TBC1D12: variants seen among roughly 807,000 people sequenced by gnomAD.
The protein encoded by TBC1D12 is TBC1 domain family member 12, also known as TBC1 domain family, member 12.
In TBC1D12, 56 loss-of-function variants were observed where a neutral mutation model predicts 86.7. The ratio of observed to expected loss-of-function variants is 0.65; its 90% CI spans 0.52 to 0.81. The LOEUF is 0.81. Among genes scored for constraint, TBC1D12 ranks in the 30% least tolerant of loss-of-function variants. TBC1D12 has a pLI of 0.00. For synonymous variants in TBC1D12, 421 were observed against 411.7 expected, an observed-to-expected ratio of 1.02 and a Z score of -0.27; for missense variants, 1,023 against 1,038.8, an observed-to-expected ratio of 0.98 and a Z score of 0.21.
chr10:94,402,912 C>G lies in TBC1D12; in HGVS notation c.299C>G (p.Pro100Arg), dbSNP rs1244111070. The change falls in exon 1 of 13, where the codon CCC becomes CGC. Residue 100 changes from proline (P) to arginine (R), a missense_variant. Physicochemically the swap from Pro to Arg is moderately radical, Grantham distance 103. Around this residue, in one of 2 missense-constraint regions of TBC1D12, gnomAD observed 628 missense variants for 531.1 expected, o/e 1.18. Transcript: ENST00000225235. ...LPAGQAGAPP[P>R]SAAPRSDACL... ...GCTGGCCAGGCCGGCGCCCCGCCGCCCTCGGCAGCCCCACGATCGGACGCC... is the reference window on the plus strand; with the variant it reads ...GCTGGCCAGGCCGGCGCCCCGCCGCGCTCGGCAGCCCCACGATCGGACGCC... 6.6e-7 allele frequency: 1 copy of G among 1,504,440 alleles called. No individual in the cohort carries two copies. Among genetic ancestry groups the G allele is most frequent in the South Asian group, 1.3e-5 (1 of 77,822 alleles). The allele number at this position is 1,504,440 out of a possible 1,614,324, so 93.2% of individuals were successfully genotyped here. A position where few individuals can be genotyped will look rare whatever the true frequency, so the allele number is the denominator to read the frequency against.
At chr10:94,531,745 TTA>T (rs1415798847) in intron 12 of TBC1D12, among the ~76,000 whole-genome samples, 1 of 139,942 alleles carries the variant, frequency 7.1e-6, no homozygotes, top group Non-Finnish European at 1.6e-5. Flanking sequence ...TTATGTTATT[TTA>T]TGTTATTTTA....
intron 1 of TBC1D12, among the ~76,000 whole-genome samples, chr10:94,418,604 C>T (rs2055031591): frequency 6.6e-6 from 1 of 151,810 alleles, no homozygotes; most frequent in African/African-American, 2.4e-5. Flanking sequence ...GACAGTCTCA[C>T]TCTGTCACCC....
rs766796868 is a variant in TBC1D12 at position 94,403,448 on chromosome 10, G to A, written c.835G>A (p.Val279Met). ...IHFNSRNTFQ[V>M]SRGQSARDHL... is the part of the protein sequence containing the mutation. Reference sequence around the variant, plus strand: ...CTTCAACTCTCGCAACACGTTCCAGGTGAGCCGCGGTCAGAGCGCCCGCGA... The same window carrying A: ...CTTCAACTCTCGCAACACGTTCCAGATGAGCCGCGGTCAGAGCGCCCGCGA... The change falls in exon 1 of 13, where the codon GTG becomes ATG. Residue 279 changes from valine to methionine, a missense_variant. By Grantham distance (21) the Val-to-Met change is conservative. Coordinates refer to ENST00000225235, the MANE Select transcript of TBC1D12 (RefSeq NM_015188.2). The A allele has an allele frequency of 6.5e-7, 1 of 1,545,900 alleles. No individual in the cohort carries two copies. Among genetic ancestry groups the A allele is most frequent in the Non-Finnish European group, 8.7e-7 (1 of 1,146,018 alleles).
At chr10:94,482,317 G>A (rs1015012827) in intron 3 of TBC1D12, among the ~76,000 whole-genome samples, 1 of 151,158 alleles carries the variant, frequency 6.6e-6, no homozygotes, top group African/African-American at 2.5e-5. Flanking sequence ...TCCATCAATG[G>A]TTCCCGCTTT....
chr10:94,454,040 G>A (rs2055590418), intron 2 of TBC1D12, among the ~76,000 whole-genome samples: 1 of 152,086 alleles, frequency 6.6e-6, no homozygotes, highest in African/African-American at 2.4e-5. Flanking sequence ...TCTTGAATTC[G>A]AGTAGTGTCA....
chr10:94,492,049 A>G (rs1169834327), intron 3 of TBC1D12, among the ~76,000 whole-genome samples: 4 of 152,230 alleles, frequency 2.6e-5, no homozygotes, highest in Non-Finnish European at 5.9e-5. Context: ...AGTTACTACC[A>G]TAGAGCACGG....
chr10:94,529,956 G>A (rs1051032561), intron 11 of TBC1D12, among the ~76,000 whole-genome samples: 2 of 152,154 alleles, frequency 1.3e-5, no homozygotes, highest in African/African-American at 2.4e-5. Context: ...GATTAAATAC[G>A]TGTTTGTAAT....
chr10:94,437,500 G>A (rs2134084742), intron 1 of TBC1D12, among the ~76,000 whole-genome samples: 1 of 152,014 alleles, frequency 6.6e-6, no homozygotes. Context: ...CTAATTTTTT[G>A]TATTTTTAGT....
intron 1 of TBC1D12, among the ~76,000 whole-genome samples, chr10:94,424,228 A>G (rs753727726): frequency 6.6e-6 from 1 of 152,202 alleles, no homozygotes; most frequent in Non-Finnish European, 1.5e-5. Flanking sequence ...TAGTTGTAGA[A>G]AGAGAGTAGT....
chr10:94,516,925 T>G (rs893327416), intron 9 of TBC1D12, among the ~76,000 whole-genome samples: 4 of 152,040 alleles, frequency 2.6e-5, no homozygotes, highest in Non-Finnish European at 5.9e-5. Context: ...TTTGTGTTTT[T>G]TGTTTTGAGA....
At chr10:94,508,049 A>G (rs2056482595) in intron 7 of TBC1D12, among the ~76,000 whole-genome samples, 1 of 152,210 alleles carries the variant, frequency 6.6e-6, no homozygotes, top group Non-Finnish European at 1.5e-5. Flanking sequence ...GAAGAGTTCT[A>G]GTCAGAAGCA....
At chr10:94,521,606 TTTTATTAAATTTTGTGATTCTGTACTC>T (rs1842156459) in intron 9 of TBC1D12, among the ~76,000 whole-genome samples, 1 of 152,312 alleles carries the variant, frequency 6.6e-6, no homozygotes, top group African/African-American at 2.4e-5. Context: ...ATCACCTGAT[TTTTATTAAATTTTGTGATTCTGTACTC>T]TATTTTGAAA....
At chr10:94,453,428 CATTCAT>C (rs1257350786) in intron 2 of TBC1D12, among the ~76,000 whole-genome samples, 1 of 152,092 alleles carries the variant, frequency 6.6e-6, no homozygotes, top group African/African-American at 2.4e-5. Context: ...TGAGAGAACA[CATTCAT>C]ATAACTTTTA....
At chr10:94,531,714 GTTATTTTATGTTATT>G (rs1564996675) in intron 12 of TBC1D12, among the ~76,000 whole-genome samples, 4 of 119,256 alleles carry the variant, frequency 3.4e-5, no homozygotes, top group South Asian at 2.8e-4. Flanking sequence ...GTTATTTTAT[GTTATTTTATGTTATT>G]TTATGTTATG....
At chr10:94,507,216 T>A in intron 6 of TBC1D12, 51 bp from the exon 7 acceptor site, 2 of 1,556,930 alleles carry the variant, frequency 1.3e-6, no homozygotes, top group Non-Finnish European at 1.8e-6. Flanking sequence ...AATTTGCAAA[T>A]ATATTTCTTT....
intron 9 of TBC1D12, among the ~76,000 whole-genome samples, chr10:94,515,269 A>G (rs984321791): frequency 2.2e-4 from 34 of 151,726 alleles, no homozygotes; most frequent in African/African-American, 8.0e-4. Context: ...TAATAGCCAT[A>G]TAAAGCAGTC....
At chr10:94,479,569 G>A (rs11187974) in intron 3 of TBC1D12, among the ~76,000 whole-genome samples, 23,695 of 152,030 alleles carry the variant, frequency 0.16, 2,189 homozygotes, top group East Asian at 0.38. Context: ...CTAGGATTTT[G>A]GAGTTAATAG....
chr10:94,423,038 T>C (rs1334835961), intron 1 of TBC1D12, among the ~76,000 whole-genome samples: 1 of 152,156 alleles, frequency 6.6e-6, no homozygotes, highest in African/African-American at 2.4e-5. Context: ...AGTTTGATGC[T>C]GCAGTGAGCC....
intron 2 of TBC1D12, among the ~76,000 whole-genome samples, chr10:94,454,632 C>G (rs539609983): frequency 6.6e-6 from 1 of 152,234 alleles, no homozygotes; most frequent in South Asian, 2.1e-4. Context: ...ACACTTATAC[C>G]TAAGTATTTC....
Sources: allele counts gnomAD v4.1 joint callset (sites outside exome capture counted in the v4.1 genomes callset), GRCh38; gene constraint gnomAD v4.1.1; regional missense constraint gnomAD v4.1.1; transcripts MANE v1.5; gene names NCBI Gene and HGNC (gene_info 2026-07-23, HGNC 2026-07-21).